The following USP3 variants were observed in gnomAD, a reference collection of about 807,000 sequenced individuals.
The protein encoded by USP3 is ubiquitin specific peptidase 3.
USP3 carries 20 observed loss-of-function variants against 72.3 expected under a neutral mutation model. The observed-to-expected ratio is 0.28, with a 90% CI of 0.19 to 0.40. USP3 has a LOEUF of 0.40. USP3 is among the 10% of genes least tolerant of loss of function. The pLI is 1.00. For synonymous variants in USP3, 222 were observed against 225.3 expected, an observed-to-expected ratio of 0.99 and a Z score of 0.13; for missense variants, 479 against 633.9, an observed-to-expected ratio of 0.76 and a Z score of 2.62.
chr15:63,560,896 C>G (rs1314462851), intron 7 of USP3, among the ~76,000 whole-genome samples: 1 of 152,226 alleles, frequency 6.6e-6, no homozygotes, highest in African/African-American at 2.4e-5. Flanking sequence ...GCCTCCTCCA[C>G]TTCCACACAC....
rs573500549 is a variant in USP3 at position 63,545,597 on chromosome 15, G to A, written c.285-8118G>A. Among the ~76,000 whole-genome samples, 11 of 151,468 alleles carry A rather than the reference G, an allele frequency of 7.3e-5. No homozygotes were observed. In the South Asian group the frequency reaches 2.3e-3, roughly 31 times the overall value. On this transcript the variant is annotated intron_variant, in intron 3 of 14. Transcript: ENST00000380324. ...GTATTTTGTTTTTTTTTAATGTTCA[G>A]TGTACTTACTTTTTCGTAAATACTG... is the stretch of plus-strand genomic sequence containing the variant.
At chr15:63,512,307 C>T (rs1158789479) in intron 1 of USP3, among the ~76,000 whole-genome samples, 6 of 141,742 alleles carry the variant, frequency 4.2e-5, no homozygotes, top group Non-Finnish European at 9.1e-5. Flanking sequence ...TCTTCCTCCT[C>T]TTCTTCTTCT....
At chr15:63,556,291 T>A (rs2066506981) in intron 4 of USP3, 1 of 164,650 alleles carries the variant, frequency 6.1e-6, no homozygotes, top group African/African-American at 2.4e-5. Flanking sequence ...GGAGACTTAC[T>A]GTTAAATTTC....
chr15:63,559,693 A>C (rs1055186411), intron 6 of USP3, among the ~76,000 whole-genome samples, 164 bp from the exon 7 acceptor site: 1 of 152,170 alleles, frequency 6.6e-6, no homozygotes, highest in African/African-American at 2.4e-5. Flanking sequence ...AGAGAGAAGG[A>C]AAAATCATAA....
chr15:63,585,485 TA>T (rs1416592180), intron 11 of USP3, among the ~76,000 whole-genome samples: 4 of 152,218 alleles, frequency 2.6e-5, no homozygotes, highest in Non-Finnish European at 4.4e-5. Flanking sequence ...GGAATTATGT[TA>T]ATTTCGTTTT....
chr15:63,558,750 C>T (rs1294724481), intron 6 of USP3, among the ~76,000 whole-genome samples: 1 of 152,122 alleles, frequency 6.6e-6, no homozygotes, highest in African/African-American at 2.4e-5. Flanking sequence ...TGGCATGCGC[C>T]TCTAGTCCCA....
Position 63,588,248 on chromosome 15 carries a change from T to C in USP3, c.1097-57T>C. On this transcript the variant is annotated intron_variant, in intron 11 of 14. Coordinates refer to ENST00000380324, the MANE Select transcript of USP3 (RefSeq NM_006537.4). The surrounding 1 kb of genome is among the most constrained non-coding windows in gnomAD (Gnocchi z 4.6). ...TTAAACCTGGGTCTTTTTTCTACAG[T>C]ACATTGCCTCTACAAAAGGCATCTT... The C allele has an allele frequency of 1.5e-6, 2 of 1,337,380 alleles. No individual in the cohort carries two copies. Among genetic ancestry groups the C allele is most frequent in the Non-Finnish European group, 2.1e-6 (2 of 963,382 alleles). The allele number at this position is 1,337,380 out of a possible 1,614,324, so 82.8% of individuals were successfully genotyped here.
chr15:63,587,246 T>C (rs1224092050), intron 11 of USP3, among the ~76,000 whole-genome samples: 1 of 152,178 alleles, frequency 6.6e-6, no homozygotes, highest in African/African-American at 2.4e-5. Context: ...ACTGCACAAC[T>C]CTAGGAGAGG....
At chr15:63,552,748 CTT>C (rs750129638) in intron 3 of USP3, among the ~76,000 whole-genome samples, 18 of 152,062 alleles carry the variant, frequency 1.2e-4, no homozygotes, top group Non-Finnish European at 2.4e-4. Context: ...CTTTCTCCCT[CTT>C]TTTAATAAAA....
chr15:63,573,292 C>A (rs1384201227), intron 9 of USP3, among the ~76,000 whole-genome samples: 1 of 152,236 alleles, frequency 6.6e-6, no homozygotes, highest in Non-Finnish European at 1.5e-5. Flanking sequence ...CTCATCTACA[C>A]ACTGAGCCTC....
Position 63,540,660 on chromosome 15 carries a change from G to T in USP3, c.284+3504G>T, listed in dbSNP as rs563688194. 1.8e-3 allele frequency among the ~76,000 whole-genome samples: 278 copies of T among 152,232 alleles called. 2 individuals are homozygous for T. Among genetic ancestry groups the T allele is most frequent in the African/African-American group, 6.5e-3 (271 of 41,532 alleles). On this transcript the variant is annotated intron_variant, in intron 3 of 14. Coordinates refer to ENST00000380324, the MANE Select transcript of USP3 (RefSeq NM_006537.4). Reference sequence around the variant, plus strand: ...TTGTAGAGCAGTGCCCCTCCACCTTGATGTAAACAGGAGCCCAGAGAGGAA... The same window carrying T: ...TTGTAGAGCAGTGCCCCTCCACCTTTATGTAAACAGGAGCCCAGAGAGGAA...
chr15:63,510,481 G>A (rs2065766469), intron 1 of USP3, among the ~76,000 whole-genome samples: 1 of 152,146 alleles, frequency 6.6e-6, no homozygotes, highest in Non-Finnish European at 1.5e-5. Context: ...CCAAGGCATT[G>A]AAATAAATAG....
chr15:63,544,788 C>T lies in USP3; in HGVS notation c.284+7632C>T, dbSNP rs1595732001. 4.3e-6 allele frequency: 3 copies of T among 696,828 alleles called. No homozygotes were observed. The highest frequency in any genetic ancestry group is 2.3e-4 in the Middle Eastern group (1 of 4,356). The allele number at this position is 696,828 out of a possible 1,614,324, so 43.2% of individuals were successfully genotyped here. A position where few individuals can be genotyped will look rare whatever the true frequency, so the allele number is the denominator to read the frequency against. ...AACTCTAAAACTAGAGCAGGTAACA[C>T]TGAAGTGAAAGGGAAGATTGGGAGG... is the stretch of plus-strand genomic sequence containing the variant. On this transcript the variant is annotated intron_variant, in intron 3 of 14. Transcript: ENST00000380324. The surrounding 1 kb of genome is among the most constrained non-coding windows in gnomAD (Gnocchi z 4.2).
At chr15:63,536,914 C>A in intron 2 of USP3, 111 bp from the exon 3 acceptor site, 1 of 1,128,248 alleles carries the variant, frequency 8.9e-7, no homozygotes, top group Non-Finnish European at 1.2e-6. Flanking sequence ...TGATTGACTG[C>A]TGTTATAGGA....
At chr15:63,572,473 C>T (rs2066794884) in intron 9 of USP3, among the ~76,000 whole-genome samples, 1 of 151,358 alleles carries the variant, frequency 6.6e-6, no homozygotes, top group South Asian at 2.1e-4. Context: ...AATCCTTCTT[C>T]CCCAATGCCA....
chr15:63,536,814 A>T (rs1273216759), intron 2 of USP3, among the ~76,000 whole-genome samples: 2 of 152,098 alleles, frequency 1.3e-5, no homozygotes, highest in Non-Finnish European at 2.9e-5. Flanking sequence ...AGATCGTGCC[A>T]CTGCACTCCA....
intron 6 of USP3, among the ~76,000 whole-genome samples, chr15:63,559,419 T>G (rs1367876527): frequency 6.6e-6 from 1 of 152,248 alleles, no homozygotes; most frequent in Non-Finnish European, 1.5e-5. Flanking sequence ...TTATCTCTTC[T>G]TGCTCAAAGA....
intron 11 of USP3, among the ~76,000 whole-genome samples, chr15:63,579,563 T>C (rs2066919209): frequency 6.6e-6 from 1 of 152,210 alleles, no homozygotes; most frequent in African/African-American, 2.4e-5. Flanking sequence ...CCTGATTAAT[T>C]TGAGGTTTCA....
intron 6 of USP3, 152 bp from the exon 7 acceptor site, chr15:63,559,705 G>GA (rs1170626811): frequency 1.8e-6 from 1 of 555,788 alleles, no homozygotes; most frequent in East Asian, 3.4e-5. Flanking sequence ...AAATCATAAT[G>GA]AAGAATCTGA....
Sources: gnomAD v4.1 joint callset for allele counts (sites outside exome capture counted in the v4.1 genomes callset) on GRCh38, gnomAD v4.1.1 for gene constraint, Gnocchi (gnomAD v3.1) non-coding constraint, MANE v1.5 for transcripts, NCBI Gene and HGNC (gene_info 2026-07-23, HGNC 2026-07-21) for gene names.